Variants in TFCP2 observed in about 807,000 individuals in gnomAD.
The protein encoded by TFCP2 is alpha-globin transcription factor CP2.
A neutral mutation model predicts 73.4 loss-of-function variants in TFCP2; 33 were observed. The observed-to-expected ratio is 0.45, with a 90% CI of 0.34 to 0.60. The LOEUF (loss-of-function observed/expected upper bound fraction) is 0.60. Among genes scored for constraint, TFCP2 ranks in the 20% least tolerant of loss-of-function variants. The pLI is 0.01. For missense variants in TFCP2, 352 were observed against 604.0 expected (o/e 0.58, Z 4.37); for synonymous variants, 193 against 211.6 (o/e 0.91, Z 0.76).
chr12:51,162,180 T>A lies in TFCP2; in HGVS notation c.122+10121A>T, dbSNP rs574016190. On this transcript the variant is annotated intron_variant, in intron 1 of 14. Coordinates refer to ENST00000257915, the MANE Select transcript of TFCP2 (RefSeq NM_005653.5). Reference sequence around the variant, plus strand: ...AGGAACAGAGGCTGGGCACAGTGGCTCACACCTGTAATCCCAGCACTTTGG... The same window carrying A: ...AGGAACAGAGGCTGGGCACAGTGGCACACACCTGTAATCCCAGCACTTTGG... Among the ~76,000 whole-genome samples the A allele has an allele frequency of 1.4e-4, 21 of 152,030 alleles. No individual in the cohort carries two copies. The South Asian group carries it at 4.2e-3, about 30-fold the overall frequency.
At chr12:51,130,675 TA>T (rs1363180099) in intron 1 of TFCP2, among the ~76,000 whole-genome samples, 21 of 151,984 alleles carry the variant, frequency 1.4e-4, no homozygotes, top group Non-Finnish European at 1.5e-4. Flanking sequence ...CTAACTGGCT[TA>T]TAAATCTGTC....
At chr12:51,144,511 A>T (rs966286966) in intron 1 of TFCP2, among the ~76,000 whole-genome samples, 2 of 152,226 alleles carry the variant, frequency 1.3e-5, no homozygotes, top group Admixed American at 1.3e-4. Context: ...CAGAACCCAT[A>T]AACTGACCCC....
rs1467440186 is a variant in TFCP2 at position 51,095,067 on chromosome 12, G to A, written c.*174C>T. On this transcript the variant is annotated 3_prime_UTR_variant, in exon 15 of 15. Coordinates refer to ENST00000257915, the MANE Select transcript of TFCP2 (RefSeq NM_005653.5). ...GCAGTAATCTGTGTGTACCACAAGA[G>A]CTTGGGCCAACACAGAGGGCCAGGA... is the stretch of plus-strand genomic sequence containing the variant. The A allele has an allele frequency of 4.2e-6, 3 of 714,020 alleles. No individual in the cohort carries two copies. The highest frequency in any genetic ancestry group is 1.8e-5 in the African/African-American group (1 of 56,822). The allele number at this position is 714,020 out of a possible 1,614,324, so 44.2% of individuals were successfully genotyped here. A position where few individuals can be genotyped will look rare whatever the true frequency, so the allele number is the denominator to read the frequency against.
intron 13 of TFCP2, among the ~76,000 whole-genome samples, chr12:51,096,816 G>C (rs1455409756): frequency 6.6e-6 from 1 of 152,106 alleles, no homozygotes; most frequent in Non-Finnish European, 1.5e-5. Context: ...AAACAGAATG[G>C]AATTGATGCT....
intron 7 of TFCP2, 46 bp from the exon 8 acceptor site, chr12:51,106,659 C>A (rs1317783074): frequency 6.7e-7 from 1 of 1,492,864 alleles, no homozygotes. Flanking sequence ...ACATATGACC[C>A]CAGGATTTGA....
chr12:51,159,962 G>T (rs1196647300), intron 1 of TFCP2, among the ~76,000 whole-genome samples: 1 of 151,996 alleles, frequency 6.6e-6, no homozygotes, highest in East Asian at 1.9e-4. Context: ...TACCATCCAG[G>T]ATTGGATGGT....
chr12:51,133,640 G>C (rs1182796206), intron 1 of TFCP2, among the ~76,000 whole-genome samples: 1 of 151,780 alleles, frequency 6.6e-6, no homozygotes, highest in Non-Finnish European at 1.5e-5. Flanking sequence ...TAAAGAAACA[G>C]TGTTGGCTGG....
rs1478246536 is a variant in TFCP2, at chr12:51,095,288, AAAAG to A, written c.1472-14_1472-11del. ...CTATCATTGGTTTCTGCTGTTAAAA[AAAAG>A]AGAGAGAGAGAATCATCTTTAGTCA... On this transcript the variant is annotated splice_polypyrimidine_tract_variant and intron_variant, in intron 14 of 14. Coordinates refer to ENST00000257915, the MANE Select transcript of TFCP2 (RefSeq NM_005653.5). 1.2e-6 allele frequency: 2 copies of A among 1,613,834 alleles called. No individual in the cohort carries two copies. Among genetic ancestry groups the A allele is most frequent in the African/African-American group, 1.3e-5 (1 of 74,912 alleles).
chr12:51,157,129 C>T (rs1038212089), intron 1 of TFCP2, among the ~76,000 whole-genome samples: 5 of 151,868 alleles, frequency 3.3e-5, no homozygotes, highest in Non-Finnish European at 5.9e-5. Flanking sequence ...GATTCTCCTG[C>T]CTCAGCCTCC....
chr12:51,118,121 T>C (rs528346359), intron 2 of TFCP2, among the ~76,000 whole-genome samples: 1 of 152,258 alleles, frequency 6.6e-6, no homozygotes, highest in African/African-American at 2.4e-5. Context: ...AGCTGGACAC[T>C]AAAAATGGAC....
chr12:51,107,063 G>T, intron 7 of TFCP2, 173 bp downstream of exon 7: 1 of 645,376 alleles, frequency 1.5e-6, no homozygotes, highest in South Asian at 2.0e-5. Flanking sequence ...ACAGTGGCAT[G>T]GTTCGTGCCA....
At chr12:51,103,538 A>G in intron 10 of TFCP2, 132 bp downstream of exon 10, 1 of 606,468 alleles carries the variant, frequency 1.6e-6, no homozygotes. Flanking sequence ...TATGAAATTC[A>G]TTTCATCAGA....
At chr12:51,105,951 G>A (rs988326900) in intron 8 of TFCP2, among the ~76,000 whole-genome samples, 13 of 152,164 alleles carry the variant, frequency 8.5e-5, no homozygotes, top group Admixed American at 6.5e-5. Context: ...GTAGGCATCT[G>A]TACCAACTTT....
chr12:51,170,390 G>A (rs1307633985), intron 1 of TFCP2, among the ~76,000 whole-genome samples: 1 of 147,264 alleles, frequency 6.8e-6, no homozygotes, highest in Non-Finnish European at 1.5e-5. Flanking sequence ...TCACCAGGCT[G>A]GAGTACAGTG....
intron 9 of TFCP2, 93 bp downstream of exon 9, chr12:51,104,062 T>C (rs1236477542): frequency 2.5e-6 from 3 of 1,191,432 alleles, no homozygotes; most frequent in African/African-American, 1.5e-5. Context: ...GAATGAATAA[T>C]ACTCCCTAAA....
chr12:51,098,805 T>A lies in TFCP2; in HGVS notation c.1390A>T (p.Thr464Ser), dbSNP rs1479657823. Residue 464 changes from threonine (T) to serine (S), a missense_variant, in exon 13 of 15, where the codon ACA becomes TCA. By Grantham distance (58) the Thr-to-Ser change is moderately conservative. Coordinates refer to ENST00000257915, the MANE Select transcript of TFCP2 (RefSeq NM_005653.5). ...TCACTGATGAGCACATGAATTCCTG[T>A]TGGCCCCTGCTTGTAAATCTGGCTG... is the stretch of plus-strand genomic sequence containing the variant. ...QISQIYKQGP[T>S]GIHVLISDEM... 1 of 1,614,130 alleles carries A rather than the reference T, an allele frequency of 6.2e-7. No homozygotes were observed.
At chr12:51,118,450 G>A (rs921632445) in intron 2 of TFCP2, among the ~76,000 whole-genome samples, 171 bp downstream of exon 2, 1 of 152,166 alleles carries the variant, frequency 6.6e-6, no homozygotes, top group African/African-American at 2.4e-5. Flanking sequence ...AGCTACTCAG[G>A]AGGCTGAGGC....
intron 1 of TFCP2, among the ~76,000 whole-genome samples, chr12:51,129,268 C>G (rs1443418922): frequency 6.6e-6 from 1 of 151,872 alleles, no homozygotes; most frequent in Non-Finnish European, 1.5e-5. Flanking sequence ...AATCCCAGCA[C>G]TTTGGGAGGC....
At chr12:51,157,686 CTTTTTT>C (rs538061913) in intron 1 of TFCP2, among the ~76,000 whole-genome samples, 1 of 96,094 alleles carries the variant, frequency 1.0e-5, no homozygotes, top group Non-Finnish European at 1.8e-5. Flanking sequence ...CTTTTCTTTT[CTTTTTT>C]TTTTTTTTTT....
Sources: gnomAD v4.1 joint callset for allele counts (sites outside exome capture counted in the v4.1 genomes callset) on GRCh38, gnomAD v4.1.1 for gene constraint, MANE v1.5 for transcripts, NCBI Gene and HGNC (gene_info 2026-07-23, HGNC 2026-07-21) for gene names.